Variants in MED23 observed in about 807,000 individuals in gnomAD.
MED23 encodes the protein mediator of RNA polymerase II transcription subunit 23.
A neutral mutation model predicts 163.9 loss-of-function variants in MED23; 105 were observed. The observed-to-expected ratio is 0.64, with a 90% CI of 0.55 to 0.75. MED23 has a LOEUF of 0.75. Ranked by LOEUF, MED23 falls within the 30% of genes least tolerant of loss-of-function variation. The pLI is 0.00. For synonymous variants in MED23, 561 were observed against 565.6 expected, an observed-to-expected ratio of 0.99 and a Z score of 0.12; for missense variants, 1,054 against 1,649.0, an observed-to-expected ratio of 0.64 and a Z score of 6.25.
At chr6:131,597,404 A>C (rs1389980941) in intron 20 of MED23, among the ~76,000 whole-genome samples, 1 of 147,058 alleles carries the variant, frequency 6.8e-6, no homozygotes, top group East Asian at 2.0e-4. Context: ...TGAACCCGGA[A>C]GGCAGAGCTT....
At chr6:131,585,614 C>A (rs915689010), downstream of MED23, among the ~76,000 whole-genome samples, 65 of 152,122 alleles carry the variant, frequency 4.3e-4, no homozygotes, top group Non-Finnish European at 4.3e-4. Flanking sequence ...ATAAATGTAG[C>A]TGCTAACTAG....
At chr6:131,576,803 G>A in intron 30 of MED23, 1 of 1,379,822 alleles carries the variant, frequency 7.2e-7, no homozygotes, top group Non-Finnish European at 1.0e-6. Flanking sequence ...GCAGGCCCCT[G>A]TGAACCTGGA....
At chr6:131,607,059 T>C (rs955582473) in intron 12 of MED23, among the ~76,000 whole-genome samples, 9 of 152,128 alleles carry the variant, frequency 5.9e-5, no homozygotes, top group African/African-American at 2.2e-4. Flanking sequence ...GCAACCTAAA[T>C]AATTACATTT....
chr6:131,600,880 G>A (rs777245003), intron 17 of MED23, among the ~76,000 whole-genome samples: 2 of 152,180 alleles, frequency 1.3e-5, no homozygotes, highest in Non-Finnish European at 2.9e-5. Context: ...CATGCACTCA[G>A]TGAAAGAAAA....
At chr6:131,603,945 CT>C (rs1291970255) in intron 15 of MED23, among the ~76,000 whole-genome samples, 2 of 152,142 alleles carry the variant, frequency 1.3e-5, no homozygotes, top group Non-Finnish European at 1.5e-5. Context: ...TACCACTTTA[CT>C]TAAAAATGCA....
rs1775607023 is a variant in MED23, at chr6:131,603,119, A to G, written c.1842T>C (p.His614=). ...LLEMFSYRMH[H]IQPHYRVQLL... The stretch of plus-strand genomic sequence containing the variant: ...GCTGAACTCTGTAATGAGGCTGAAT[A>G]TGATGCATCCGGTAGCTAAACATCT... The change falls in exon 16 of 29, where the codon CAT becomes CAC. Residue 614 remains histidine (H), a synonymous_variant. Coordinates refer to ENST00000368068, the MANE Select transcript of MED23 (RefSeq NM_004830.4). 8.7e-6 allele frequency: 14 copies of G among 1,613,976 alleles called. No homozygotes were observed. Among genetic ancestry groups the G allele is most frequent in the South Asian group, 5.5e-5 (5 of 91,074 alleles).
intron 30 of MED23, among the ~76,000 whole-genome samples, chr6:131,580,689 G>C (rs550343822): frequency 1.3e-5 from 2 of 152,134 alleles, no homozygotes; most frequent in African/African-American, 4.8e-5. Flanking sequence ...GTGAACACAC[G>C]CCATACGCTG....
At chr6:131,616,224 G>T (rs908710893) in intron 9 of MED23, among the ~76,000 whole-genome samples, 3 of 152,018 alleles carry the variant, frequency 2.0e-5, no homozygotes, top group African/African-American at 7.2e-5. Context: ...TTGCCCCAAG[G>T]TCATACAGAG....
At position 131,624,976 on chromosome 6, in the gene MED23, T is replaced by G. The variant is rs1415707319; in HGVS notation, c.173A>C (p.Gln58Pro). 6.2e-7 allele frequency: 1 copy of G among 1,613,698 alleles called. No individual in the cohort carries two copies. The change falls in exon 4 of 29, where the codon CAG becomes CCG. Residue 58 changes from glutamine (Q) to proline (P), a missense_variant. By Grantham distance (76) the Gln-to-Pro change is moderately conservative. Around this residue, in one of 11 missense-constraint regions of MED23, gnomAD observed 227 missense variants for 235.5 expected, o/e 0.96. Transcript: ENST00000368068. ...AAACTTAACAATCCACTGGATACAC[T>G]GTTCATGAGACTCCTGGAAAATGAG... Reference protein sequence around the residue: ...WGGLSQESHEQCIQWIVKFIH... With the variant: ...WGGLSQESHEPCIQWIVKFIH...
chr6:131,608,180 G>A, intron 11 of MED23, 109 bp from the exon 12 acceptor site: 1 of 1,233,374 alleles, frequency 8.1e-7, no homozygotes, highest in Non-Finnish European at 1.2e-6. Context: ...CCTGGTTCTT[G>A]CTCTGAGAAA....
rs1777135966 is a variant in MED23, at chr6:131,621,915, G to A, written c.461C>T (p.Ser154Phe). 1 of 1,613,454 alleles carries A rather than the reference G, an allele frequency of 6.2e-7. No homozygotes were observed. Among genetic ancestry groups the A allele is most frequent in the South Asian group, 1.1e-5 (1 of 91,010 alleles). The change falls in exon 6 of 29, where the codon TCT becomes TTT. Residue 154 changes from serine to phenylalanine, a missense_variant. Physicochemically the swap from Ser to Phe is radical, Grantham distance 155 (BLOSUM62 -2). Transcript: ENST00000368068. ...KILTIPNTVS[S>F]AVVQQLLAAR... The stretch of plus-strand genomic sequence containing the variant: ...TGCCAGAAGCTGCTGTACAACAGCA[G>A]AGCTCACTGTATTAGGAATTGTCAA...
At chr6:131,592,800 G>T in intron 24 of MED23, 1 of 640,284 alleles carries the variant, frequency 1.6e-6, no homozygotes, top group East Asian at 2.7e-5. Context: ...ATGAGTAGAA[G>T]TAGGAACAAA....
In MED23 at chr6:131,587,006, G is replaced by A. The variant is rs1585439297; in HGVS notation, c.*673C>T. The A allele has an allele frequency of 4.8e-6, 7 of 1,455,244 alleles. No homozygotes were observed. Among genetic ancestry groups the A allele is most frequent in the African/African-American group, 4.3e-5 (3 of 69,774 alleles). 90.1% of individuals were successfully genotyped at this position (1,455,244 alleles called of 1,614,324 possible). On this transcript the variant is annotated 3_prime_UTR_variant, in exon 29 of 29. Coordinates refer to ENST00000368068, the MANE Select transcript of MED23 (RefSeq NM_004830.4). ...ATCAACCATTTAAGCATGATTTTAA[G>A]TTCAAGAATTTTCAGATGTTATTTT...
chr6:131,588,038 C>T (rs1483456735), intron 28 of MED23, among the ~76,000 whole-genome samples, 192 bp from the exon 29 acceptor site: 1 of 152,110 alleles, frequency 6.6e-6, no homozygotes, highest in Non-Finnish European at 1.5e-5. Context: ...AGAAACAATA[C>T]GTTCTCCCTC....
intron 22 of MED23, among the ~76,000 whole-genome samples, chr6:131,595,405 AAAT>A (rs1213461158): frequency 8.5e-5 from 13 of 152,282 alleles, no homozygotes; most frequent in African/African-American, 2.9e-4. Flanking sequence ...TATCTTTCTG[AAAT>A]AATGTTTCCT....
chr6:131,619,972 A>T (rs1448582843), intron 7 of MED23, 76 bp from the exon 8 acceptor site: 4 of 878,332 alleles, frequency 4.6e-6, no homozygotes, highest in African/African-American at 1.6e-5. Flanking sequence ...GAAATATATG[A>T]ACATTTATAT....
At chr6:131,574,406 A>C in intron 30 of MED23, 1 of 1,235,486 alleles carries the variant, frequency 8.1e-7, no homozygotes, top group Non-Finnish European at 1.2e-6. Flanking sequence ...TCTCCCAAAC[A>C]CAGGGACATT....
intron 24 of MED23, 194 bp downstream of exon 24, chr6:131,592,812 C>A (rs1399980895): frequency 1.5e-6 from 1 of 675,246 alleles, no homozygotes; most frequent in African/African-American, 1.8e-5. Flanking sequence ...AGGAACAAAC[C>A]CGGATCTTAG....
At chr6:131,602,496 A>G in intron 16 of MED23, 115 bp from the exon 17 acceptor site, 1 of 936,058 alleles carries the variant, frequency 1.1e-6, no homozygotes, top group Non-Finnish European at 1.6e-6. Context: ...TCTTTAAAAA[A>G]ACACTTTTGT....
Sources: allele counts gnomAD v4.1 joint callset (sites outside exome capture counted in the v4.1 genomes callset), GRCh38; gene constraint gnomAD v4.1.1; regional missense constraint gnomAD v4.1.1; transcripts MANE v1.5; gene names NCBI Gene and HGNC (gene_info 2026-07-23, HGNC 2026-07-21).